The following ESRRG variants were observed in gnomAD, a reference collection of about 807,000 sequenced individuals.
ESRRG encodes estrogen related receptor gamma, also known as estrogen-related receptor gamma.
A neutral mutation model predicts 44.0 loss-of-function variants in ESRRG; 13 were observed. The ratio of observed to expected loss-of-function variants is 0.30; its 90% CI spans 0.19 to 0.47. The LOEUF (loss-of-function observed/expected upper bound fraction) is 0.47. Among genes scored for constraint, ESRRG ranks in the 20% least tolerant of loss-of-function variants. The pLI is 1.00. For synonymous variants in ESRRG, 215 were observed against 214.6 expected (o/e 1.00, Z -0.02); for missense variants, 395 against 580.6 (o/e 0.68, Z 3.29).
At chr1:216,729,922 T>C (rs919042566) in intron 2 of ESRRG, among the ~76,000 whole-genome samples, 1 of 152,140 alleles carries the variant, frequency 6.6e-6, no homozygotes, top group Non-Finnish European at 1.5e-5. Context: ...CACTAATCTA[T>C]GGCAGCACAT....
chr1:216,680,271 C>T (rs1440716097), intron 1 of ESRRG, among the ~76,000 whole-genome samples: 1 of 152,154 alleles, frequency 6.6e-6, no homozygotes, highest in Admixed American at 6.5e-5. Flanking sequence ...AAGATAACTT[C>T]GTAAGGGAGG....
intron 1 of ESRRG, among the ~76,000 whole-genome samples, chr1:217,120,503 A>T (rs2092804774): frequency 6.6e-6 from 1 of 151,446 alleles, no homozygotes; most frequent in African/African-American, 2.4e-5. Context: ...TCTCTATCTC[A>T]TTTAAAATGG....
In ESRRG at chr1:217,029,913, C is replaced by T. The variant is rs115626588; in HGVS notation, c.-106+59594G>A. Among the ~76,000 whole-genome samples, 1,156 of 152,296 alleles carry T rather than the reference C, an allele frequency of 7.6e-3. 14 individuals carry two copies. The highest frequency in any genetic ancestry group is 0.027 in the African/African-American group (1,108 of 41,554). On this transcript the variant is annotated intron_variant, in intron 1 of 7. Coordinates refer to the ESRRG transcript ENST00000359162. Reference sequence around the variant, plus strand: ...ATAAAGCAATGAAACGCTCTTTCTTCCATTTGCTTTGATGACACAACTAAT... The same window carrying T: ...ATAAAGCAATGAAACGCTCTTTCTTTCATTTGCTTTGATGACACAACTAAT...
intron 2 of ESRRG, among the ~76,000 whole-genome samples, chr1:216,652,239 C>T (rs925801211): frequency 6.6e-6 from 1 of 152,134 alleles, no homozygotes; most frequent in Non-Finnish European, 1.5e-5. Context: ...CTGAAACATG[C>T]GCAGATTCTA....
At chr1:217,003,579 A>ATT (rs72187021) in intron 1 of ESRRG, among the ~76,000 whole-genome samples, 1 of 147,710 alleles carries the variant, frequency 6.8e-6, no homozygotes, top group African/African-American at 2.5e-5. Context: ...ACTAATTAAT[A>ATT]AGTATTAATA....
chr1:216,534,813 T>G (rs574553821), intron 5 of ESRRG, among the ~76,000 whole-genome samples: 2 of 152,286 alleles, frequency 1.3e-5, no homozygotes, highest in African/African-American at 4.8e-5. Flanking sequence ...GCCTTTAGGT[T>G]GTGGCAACAT....
chr1:217,089,927 T>C (rs1327171817), upstream of ESRRG, among the ~76,000 whole-genome samples: 1 of 152,232 alleles, frequency 6.6e-6, no homozygotes, highest in Non-Finnish European at 1.5e-5. Flanking sequence ...AATGATAACT[T>C]GGCAGAAGAA....
intron 1 of ESRRG, among the ~76,000 whole-genome samples, chr1:217,007,985 C>A (rs2077995853): frequency 6.6e-6 from 1 of 152,190 alleles, no homozygotes; most frequent in Non-Finnish European, 1.5e-5. Context: ...GACATCAGAT[C>A]TTCTGCACAG....
chr1:216,912,183 A>AAGAAAAGAAGAGGAGAGGAG (rs1560083326), intron 2 of ESRRG, among the ~76,000 whole-genome samples: 2 of 21,154 alleles, frequency 9.5e-5, no homozygotes, highest in Non-Finnish European at 1.6e-4. Flanking sequence ...AAGAAAAGAA[A>AAGAAAAGAAGAGGAGAGGAG]AGGAGAGGAG....
At chr1:216,787,406 C>T (rs538181697) in intron 2 of ESRRG, among the ~76,000 whole-genome samples, 10 of 151,998 alleles carry the variant, frequency 6.6e-5, no homozygotes, top group African/African-American at 2.4e-4. Context: ...AGTTCGAGAC[C>T]AGTCTGACCA....
chr1:216,675,700 T>G (rs1312120604), intron 2 of ESRRG, among the ~76,000 whole-genome samples: 2 of 152,168 alleles, frequency 1.3e-5, no homozygotes, highest in Non-Finnish European at 2.9e-5. Context: ...GAGATTCTGT[T>G]TGAGTTAATA....
At chr1:217,048,366 G>A (rs1558101921) in intron 1 of ESRRG, among the ~76,000 whole-genome samples, 1 of 152,142 alleles carries the variant, frequency 6.6e-6, no homozygotes, top group Non-Finnish European at 1.5e-5. Context: ...GTCAGAGAGA[G>A]CTCAGGTGCA....
chr1:216,623,696 G>A (rs972558767), intron 3 of ESRRG, among the ~76,000 whole-genome samples: 2 of 152,072 alleles, frequency 1.3e-5, no homozygotes, highest in Non-Finnish European at 2.9e-5. Flanking sequence ...GTTAAATACC[G>A]ACCTTTCTAG....
chr1:216,805,963 G>A (rs1182158244), intron 2 of ESRRG, among the ~76,000 whole-genome samples: 1 of 152,094 alleles, frequency 6.6e-6, no homozygotes, highest in Non-Finnish European at 1.5e-5. Flanking sequence ...TGGTTAGCTG[G>A]GAAACAGCAT....
chr1:217,094,372 T>G (rs2092394020), upstream of ESRRG, among the ~76,000 whole-genome samples: 1 of 152,272 alleles, frequency 6.6e-6, no homozygotes, highest in Non-Finnish European at 1.5e-5. Context: ...TAGCTTGAAT[T>G]AAATCATGAA....
At chr1:216,908,543 C>T (rs2059935797) in intron 2 of ESRRG, among the ~76,000 whole-genome samples, 1 of 152,166 alleles carries the variant, frequency 6.6e-6, no homozygotes, top group Non-Finnish European at 1.5e-5. Flanking sequence ...TATTGTCACA[C>T]ACACACCAAT....
At chr1:216,560,463 C>A (rs1362052145) in intron 5 of ESRRG, among the ~76,000 whole-genome samples, 2 of 152,154 alleles carry the variant, frequency 1.3e-5, no homozygotes, top group African/African-American at 4.8e-5. Context: ...CTGGCAAGAT[C>A]CATAAATATG....
intron 2 of ESRRG, among the ~76,000 whole-genome samples, chr1:216,744,924 A>G (rs1294119527): frequency 2.0e-5 from 3 of 152,172 alleles, no homozygotes; most frequent in Non-Finnish European, 4.4e-5. Flanking sequence ...GCAAGTGTGT[A>G]TGTTTCTGCT....
At chr1:216,989,443 A>C (rs1040882234) in intron 1 of ESRRG, among the ~76,000 whole-genome samples, 2 of 151,742 alleles carry the variant, frequency 1.3e-5, no homozygotes, top group African/African-American at 2.4e-5. Flanking sequence ...AAAAAAAAAA[A>C]AAAAAAACAC....
Sources: gnomAD v4.1 joint callset for allele counts (sites outside exome capture counted in the v4.1 genomes callset) on GRCh38, gnomAD v4.1.1 for gene constraint, MANE v1.5 for transcripts, NCBI Gene and HGNC (gene_info 2026-07-23, HGNC 2026-07-21) for gene names.